GAP43: variants seen among roughly 807,000 people sequenced by gnomAD.
GAP43 encodes neuromodulin.
GAP43 carries 6 observed loss-of-function variants against 18.6 expected under a neutral mutation model. The observed-to-expected ratio is 0.32, with a 90% CI of 0.18 to 0.64. The LOEUF is 0.64. Among genes scored for constraint, GAP43 ranks in the 30% least tolerant of loss-of-function variants. The pLI, the probability that GAP43 is intolerant of heterozygous loss-of-function variation, is 0.78. For synonymous variants in GAP43, 115 were observed against 111.4 expected (o/e 1.03, Z -0.20); for missense variants, 292 against 295.5 (o/e 0.99, Z 0.09).
At chr3:115,639,887 A>G (rs1394833826) in intron 1 of GAP43, among the ~76,000 whole-genome samples, 1 of 152,062 alleles carries the variant, frequency 6.6e-6, no homozygotes, top group Non-Finnish European at 1.5e-5. Context: ...TTCCCTTTGC[A>G]AGAATATTTA....
intron 1 of GAP43, among the ~76,000 whole-genome samples, chr3:115,636,992 C>T (rs1708337146): frequency 6.6e-6 from 1 of 151,910 alleles, no homozygotes; most frequent in African/African-American, 2.4e-5. Flanking sequence ...ATTAATTTTC[C>T]TATAATTTTG....
chr3:115,698,347 C>T (rs1291776846), intron 2 of GAP43, among the ~76,000 whole-genome samples: 3 of 59,964 alleles, frequency 5.0e-5, no homozygotes, highest in African/African-American at 1.3e-4. Context: ...TTCTGTCGGT[C>T]ATGATCAGAG....
At chr3:115,660,635 A>G (rs1179384447) in intron 1 of GAP43, among the ~76,000 whole-genome samples, 1 of 152,254 alleles carries the variant, frequency 6.6e-6, no homozygotes, top group African/African-American at 2.4e-5. Flanking sequence ...GAGATATTCA[A>G]AAAGAACTGT....
At chr3:115,690,140 AG>A (rs1245051759) in intron 2 of GAP43, among the ~76,000 whole-genome samples, 1 of 152,210 alleles carries the variant, frequency 6.6e-6, no homozygotes, top group Non-Finnish European at 1.5e-5. Flanking sequence ...CAGGCCCTAA[AG>A]GGTTCCTTGA....
chr3:115,650,759 A>T (rs1708511317), intron 1 of GAP43, among the ~76,000 whole-genome samples: 1 of 151,648 alleles, frequency 6.6e-6, no homozygotes, highest in African/African-American at 2.4e-5. Context: ...AGTCTTTTAA[A>T]ATCATACTCT....
chr3:115,669,069 T>TACACAC (rs151338962), intron 1 of GAP43, among the ~76,000 whole-genome samples: 87 of 145,508 alleles, frequency 6.0e-4, no homozygotes, highest in South Asian at 1.5e-3. Context: ...AAAGAAAAAG[T>TACACAC]ACACACACAC....
chr3:115,683,147 G>GTGCGCGCACACACA (rs1708983101), intron 2 of GAP43, among the ~76,000 whole-genome samples: 12 of 127,396 alleles, frequency 9.4e-5, no homozygotes, highest in Non-Finnish European at 1.3e-4. Context: ...GCGCGCGCGC[G>GTGCGCGCACACACA]CACACACACA....
At chr3:115,639,230 A>G (rs1254819462) in intron 1 of GAP43, among the ~76,000 whole-genome samples, 1 of 152,116 alleles carries the variant, frequency 6.6e-6, no homozygotes, top group Non-Finnish European at 1.5e-5. Flanking sequence ...GACCATACAG[A>G]CTTGGATTTC....
intron 2 of GAP43, among the ~76,000 whole-genome samples, chr3:115,715,711 C>G (rs1372754072): frequency 6.6e-6 from 1 of 152,192 alleles, no homozygotes; most frequent in African/African-American, 2.4e-5. Context: ...TTTTATACTA[C>G]AGAAGACTTA....
intron 2 of GAP43, among the ~76,000 whole-genome samples, chr3:115,696,990 C>T (rs1034357548): frequency 5.3e-5 from 8 of 151,516 alleles, no homozygotes; most frequent in South Asian, 2.1e-4. Context: ...CCACCACACC[C>T]GGCTAAATTT....
intron 1 of GAP43, chr3:115,658,594 G>A (rs1222213592): frequency 3.9e-5 from 6 of 152,150 alleles, no homozygotes; most frequent in Non-Finnish European, 1.5e-5. Flanking sequence ...GGGGACCGCA[G>A]GGCGTGGCGC....
At chr3:115,635,291 G>C (rs1708314155) in intron 1 of GAP43, among the ~76,000 whole-genome samples, 2 of 151,934 alleles carry the variant, frequency 1.3e-5, no homozygotes. Context: ...TGTGCCTCAG[G>C]GCTTTGATTG....
At chr3:115,687,686 T>A (rs1282723643) in intron 2 of GAP43, among the ~76,000 whole-genome samples, 1 of 152,088 alleles carries the variant, frequency 6.6e-6, no homozygotes, top group African/African-American at 2.4e-5. Context: ...AGGATTGGGG[T>A]CCTATCTCGC....
intron 2 of GAP43, among the ~76,000 whole-genome samples, chr3:115,682,611 A>T (rs1197883212): frequency 6.6e-6 from 1 of 152,168 alleles, no homozygotes; most frequent in Non-Finnish European, 1.5e-5. Flanking sequence ...ATCTCAGCTC[A>T]CTGTAACCTC....
rs1378786599 is a variant in GAP43, at chr3:115,683,143, GCGCGCACACA to G, written c.628+6535_628+6544del. Among the ~76,000 whole-genome samples, 226 of 126,114 alleles carry G rather than the reference GCGCGCACACA, an allele frequency of 1.8e-3. 1 individual carries two copies. The highest frequency in any genetic ancestry group is 4.2e-3 in the East Asian group (19 of 4,552). The allele number at this position is 126,114 out of a possible 152,430, so 82.7% of individuals were successfully genotyped here. A position where few individuals can be genotyped will look rare whatever the true frequency, so the allele number is the denominator to read the frequency against. The stretch of plus-strand genomic sequence containing the variant: ...TACATGTGCGCGCGCGTGCGCGCGC[GCGCGCACACA>G]CACACACACACACACACACACACAC... On this transcript the variant is annotated intron_variant, in intron 2 of 2. Coordinates refer to ENST00000305124, the MANE Select transcript of GAP43 (RefSeq NM_002045.4).
At chr3:115,668,162 A>G (rs1224456813) in intron 1 of GAP43, among the ~76,000 whole-genome samples, 2 of 152,094 alleles carry the variant, frequency 1.3e-5, no homozygotes, top group Admixed American at 1.3e-4. Context: ...TGTCTGCTAT[A>G]TCCAAAAGTT....
At chr3:115,638,673 C>T (rs1192586557) in intron 1 of GAP43, among the ~76,000 whole-genome samples, 1 of 151,798 alleles carries the variant, frequency 6.6e-6, no homozygotes, top group East Asian at 1.9e-4. Context: ...TGGAATGGTC[C>T]ATATTATTTC....
At chr3:115,630,389 C>G (rs2107464764) in intron 1 of GAP43, among the ~76,000 whole-genome samples, 1 of 152,208 alleles carries the variant, frequency 6.6e-6, no homozygotes, top group South Asian at 2.1e-4. Flanking sequence ...TAAGTAGTCC[C>G]TCAAATGACT....
chr3:115,665,575 G>T (rs1244227675), intron 1 of GAP43, among the ~76,000 whole-genome samples: 1 of 152,028 alleles, frequency 6.6e-6, no homozygotes, highest in African/African-American at 2.4e-5. Flanking sequence ...AACCTATAAT[G>T]CATAAATTTA....
Sources: gnomAD v4.1 joint callset for allele counts (sites outside exome capture counted in the v4.1 genomes callset) on GRCh38, gnomAD v4.1.1 for gene constraint, MANE v1.5 for transcripts, NCBI Gene and HGNC (gene_info 2026-07-23, HGNC 2026-07-21) for gene names.